Variants in APBB2 observed in about 807,000 individuals in gnomAD.
The protein encoded by APBB2 is amyloid beta precursor protein binding family B member 2.
Under a neutral mutation model 82.5 loss-of-function variants are expected in APBB2, and 38 were observed. That is an observed-to-expected ratio of 0.46 (90% CI 0.36 to 0.60). The LOEUF (loss-of-function observed/expected upper bound fraction) is 0.60, where lower values mean the gene tolerates loss of function less well. APBB2 is among the 20% of genes least tolerant of loss of function. The pLI is 0.00. For missense variants in APBB2, 772 were observed against 972.3 expected (o/e 0.79, Z 2.74); for synonymous variants, 341 against 368.2 (o/e 0.93, Z 0.85).
At chr4:40,885,934 T>C (rs1560793338) in intron 12 of APBB2, among the ~76,000 whole-genome samples, 1 of 147,834 alleles carries the variant, frequency 6.8e-6, no homozygotes. Context: ...CTATAGAATC[T>C]TTTTTTTTTT....
intron 12 of APBB2, among the ~76,000 whole-genome samples, chr4:40,882,030 C>CCCTCCATAT (rs769229643): frequency 2.8e-3 from 433 of 152,274 alleles, no homozygotes; most frequent in Non-Finnish European, 4.3e-3. Flanking sequence ...GGACAGACTG[C>CCCTCCATAT]GCTGTGTGAG....
chr4:40,908,855 T>C (rs1777792986), intron 10 of APBB2, among the ~76,000 whole-genome samples: 1 of 152,106 alleles, frequency 6.6e-6, no homozygotes, highest in Admixed American at 6.5e-5. Context: ...GTGCAAACTG[T>C]CCACTAGGGG....
intron 1 of APBB2, among the ~76,000 whole-genome samples, chr4:41,158,606 C>T (rs1194805320): frequency 6.6e-6 from 1 of 152,228 alleles, no homozygotes; most frequent in Non-Finnish European, 1.5e-5. Context: ...CCCAACTCTA[C>T]AAGACAGGTC....
chr4:40,982,223 AAAGAAAGAAAGAAAGAAAGAAAGAAAG>A (rs1798725460), intron 6 of APBB2, among the ~76,000 whole-genome samples: 2 of 6,240 alleles, frequency 3.2e-4, no homozygotes, highest in Non-Finnish European at 3.0e-4. Context: ...AAAAGAAAGG[AAAGAAAGAAAGAAAGAAAGAAAGAAAG>A]AAAGAAAGAA....
At chr4:40,823,368 C>T (rs1305937009) in intron 16 of APBB2, among the ~76,000 whole-genome samples, 1 of 152,194 alleles carries the variant, frequency 6.6e-6, no homozygotes, top group Non-Finnish European at 1.5e-5. Flanking sequence ...CGACTACTAG[C>T]GTCACACACT....
chr4:41,027,538 C>A, intron 5 of APBB2, among the ~76,000 whole-genome samples: 1 of 151,884 alleles, frequency 6.6e-6, no homozygotes, highest in Admixed American at 6.6e-5. Flanking sequence ...TTATAGCCAT[C>A]CTAGTTGGTG....
intron 1 of APBB2, among the ~76,000 whole-genome samples, chr4:41,196,090 C>T: frequency 2.0e-5 from 3 of 151,498 alleles, no homozygotes; most frequent in East Asian, 1.9e-4. Context: ...ACCCGGGAGG[C>T]GGAGCTTGCA....
chr4:41,018,980 T>C lies in APBB2; in HGVS notation c.20-4582A>G, dbSNP rs546282054. 2.6e-5 allele frequency among the ~76,000 whole-genome samples: 4 copies of C among 152,288 alleles called. No individual in the cohort carries two copies. In the South Asian group the frequency reaches 8.3e-4, roughly 32 times the overall value. On this transcript the variant is annotated intron_variant, in intron 5 of 17. Transcript: ENST00000508593. Reference sequence around the variant, plus strand: ...GTTCCAGCTCTGGTCAATCATCCCTTGAACAGGGCAGAAAGATAAGGTTCC... The same window carrying C: ...GTTCCAGCTCTGGTCAATCATCCCTCGAACAGGGCAGAAAGATAAGGTTCC...
At chr4:40,935,227 T>C in intron 7 of APBB2, 88 bp from the exon 8 acceptor site, 1 of 960,428 alleles carries the variant, frequency 1.0e-6, no homozygotes, top group Non-Finnish European at 1.5e-6. Context: ...CAAGACACTG[T>C]TGTTAGCATT....
At chr4:41,017,751 A>T (rs1396106319) in intron 5 of APBB2, among the ~76,000 whole-genome samples, 1 of 152,214 alleles carries the variant, frequency 6.6e-6, no homozygotes, top group Non-Finnish European at 1.5e-5. Flanking sequence ...GGTCTGAGTG[A>T]TTGAAATGGT....
chr4:41,137,285 T>C (rs1049786143), intron 2 of APBB2, among the ~76,000 whole-genome samples: 10 of 152,224 alleles, frequency 6.6e-5, no homozygotes, highest in Admixed American at 1.3e-4. Context: ...TCAGTAGTTA[T>C]TGGGAATGAT....
At chr4:40,905,123 C>A (rs1762178140) in intron 10 of APBB2, among the ~76,000 whole-genome samples, 1 of 152,148 alleles carries the variant, frequency 6.6e-6, no homozygotes, top group African/African-American at 2.4e-5. Context: ...TCATGGCTAA[C>A]CCCCATGTAG....
chr4:40,871,312 T>C (rs1765458726), intron 12 of APBB2, among the ~76,000 whole-genome samples: 1 of 152,166 alleles, frequency 6.6e-6, no homozygotes. Flanking sequence ...CCCCAGTTAG[T>C]TTTTGTATTC....
intron 4 of APBB2, among the ~76,000 whole-genome samples, chr4:41,038,776 C>A (rs1431320445): frequency 1.3e-5 from 2 of 152,114 alleles, no homozygotes; most frequent in African/African-American, 4.8e-5. Context: ...GATAATATAA[C>A]CTATCTGAAC....
At chr4:41,057,429 C>A (rs1728219065) in intron 4 of APBB2, among the ~76,000 whole-genome samples, 1 of 152,296 alleles carries the variant, frequency 6.6e-6, no homozygotes, top group East Asian at 1.9e-4. Flanking sequence ...CCAGCCTGGG[C>A]AACAAGAGTA....
chr4:41,014,315 G>A lies in APBB2; in HGVS notation c.103C>T (p.Pro35Ser). Residue 35 changes from proline to serine, a missense_variant, in exon 6 of 18, where the codon CCA becomes TCA. Physicochemically the swap from Pro to Ser is moderately conservative, Grantham distance 74. Coordinates refer to ENST00000508593, the MANE Select transcript of APBB2 (RefSeq NM_004307.2). ...DVTNRNSPATPPNTLNLRSSH... is the reference protein window; with the variant it reads ...DVTNRNSPATSPNTLNLRSSH... ...GATCGGAGGTTAAGGGTGTTTGGTG[G>A]TGTGGCTGGGCTGTTCCGATTTGTG... 6.2e-7 allele frequency: 1 copy of A among 1,614,166 alleles called. No individual in the cohort carries two copies. The highest frequency in any genetic ancestry group is 8.5e-7 in the Non-Finnish European group (1 of 1,180,036).
chr4:40,852,287 G>T (rs1457014522), intron 12 of APBB2, among the ~76,000 whole-genome samples: 2 of 150,666 alleles, frequency 1.3e-5, no homozygotes, highest in East Asian at 2.0e-4. Context: ...GGAGGCGAAG[G>T]CTGCAGGGGG....
chr4:41,062,601 A>G (rs1730274021), intron 4 of APBB2, among the ~76,000 whole-genome samples: 1 of 152,156 alleles, frequency 6.6e-6, no homozygotes, highest in Admixed American at 6.5e-5. Context: ...AAGAAATCAG[A>G]GATGGAAACC....
chr4:40,861,857 A>G (rs1277256122), intron 12 of APBB2, among the ~76,000 whole-genome samples: 1 of 152,252 alleles, frequency 6.6e-6, no homozygotes, highest in Admixed American at 6.5e-5. Context: ...CAGGATTATG[A>G]TACACTTTAA....
Sources: allele counts gnomAD v4.1 joint callset (sites outside exome capture counted in the v4.1 genomes callset), GRCh38; gene constraint gnomAD v4.1.1; transcripts MANE v1.5; gene names NCBI Gene and HGNC (gene_info 2026-07-23, HGNC 2026-07-21).